Variants in SEMA6D observed in about 807,000 individuals in gnomAD.
SEMA6D encodes the protein semaphorin-6D.
SEMA6D carries 35 observed loss-of-function variants against 106.6 expected under a neutral mutation model. The ratio of observed to expected loss-of-function variants is 0.33; its 90% CI spans 0.25 to 0.44. SEMA6D has a LOEUF of 0.44. Among genes scored for constraint, SEMA6D ranks in the 20% least tolerant of loss-of-function variants. The probability of loss-of-function intolerance (pLI) is 1.00; values close to 1 mark genes in which losing one functional copy is unlikely to be tolerated. For synonymous variants in SEMA6D, 499 were observed against 487.7 expected, an observed-to-expected ratio of 1.02 and a Z score of -0.31; for missense variants, 1,185 against 1,345.9, an observed-to-expected ratio of 0.88 and a Z score of 1.87.
intron 1 of SEMA6D, among the ~76,000 whole-genome samples, chr15:47,338,879 G>A (rs932330979): frequency 2.0e-5 from 3 of 152,118 alleles, no homozygotes; most frequent in South Asian, 2.1e-4. Context: ...CTGATTGTAG[G>A]CTAAAATACC....
intron 3 of SEMA6D, among the ~76,000 whole-genome samples, chr15:47,530,988 T>G (rs1035807068): frequency 2.6e-5 from 4 of 152,238 alleles, no homozygotes; most frequent in African/African-American, 9.6e-5. Context: ...TGTTCATTAT[T>G]ATTGGCATAA....
chr15:47,487,746 C>T (rs2043339479), intron 3 of SEMA6D, among the ~76,000 whole-genome samples: 1 of 152,212 alleles, frequency 6.6e-6, no homozygotes, highest in South Asian at 2.1e-4. Flanking sequence ...CAGTGCTTCA[C>T]TGACCATCCT....
At position 47,230,299 on chromosome 15, in the gene SEMA6D, T is replaced by C. The variant is rs189393864; in HGVS notation, c.-239+45881T>C. Among the ~76,000 whole-genome samples the C allele has an allele frequency of 3.8e-3, 574 of 152,214 alleles. 6 individuals carry two copies. Among genetic ancestry groups the C allele is most frequent in the African/African-American group, 0.013 (547 of 41,574 alleles). On this transcript the variant is annotated intron_variant, in intron 1 of 19. Transcript: ENST00000558014. ...TTTATTTTTCTTATACAGAATATAATCTATGTAAAGTTGTATATCTTGAAT... is the reference window on the plus strand; with the variant it reads ...TTTATTTTTCTTATACAGAATATAACCTATGTAAAGTTGTATATCTTGAAT...
At chr15:47,662,606 G>A (rs886185809) in intron 4 of SEMA6D, among the ~76,000 whole-genome samples, 1 of 151,990 alleles carries the variant, frequency 6.6e-6, no homozygotes. Flanking sequence ...GCCCCATTAG[G>A]CATTCTCCAC....
chr15:47,191,914 A>T (rs890416270), intron 1 of SEMA6D, among the ~76,000 whole-genome samples: 1 of 152,180 alleles, frequency 6.6e-6, no homozygotes, highest in Non-Finnish European at 1.5e-5. Context: ...AAGAAAGTCG[A>T]GCAGGAAGTA....
chr15:47,470,411 A>G (rs2042799275), intron 2 of SEMA6D: 1 of 151,666 alleles, frequency 6.6e-6, no homozygotes, highest in Non-Finnish European at 1.5e-5. Context: ...TAGGTGACAC[A>G]TTTTCACAGC....
chr15:47,226,960 TG>T (rs1166848080), intron 1 of SEMA6D, among the ~76,000 whole-genome samples: 1 of 152,066 alleles, frequency 6.6e-6, no homozygotes, highest in Non-Finnish European at 1.5e-5. Flanking sequence ...ATATTTAACT[TG>T]GTAAACCTAT....
chr15:47,692,633 C>T (rs2078614072), intron 4 of SEMA6D, among the ~76,000 whole-genome samples: 1 of 152,138 alleles, frequency 6.6e-6, no homozygotes, highest in Admixed American at 6.5e-5. Flanking sequence ...CTCATGTAAA[C>T]CTGCTGGAGA....
intron 15 of SEMA6D, 133 bp downstream of exon 15, chr15:47,766,315 A>C: frequency 1.3e-6 from 1 of 775,034 alleles, no homozygotes; most frequent in Non-Finnish European, 2.1e-6. Context: ...GGAAAACGAA[A>C]ACCAGGAGAC....
At chr15:47,344,803 G>C (rs148205119) in intron 1 of SEMA6D, among the ~76,000 whole-genome samples, 2 of 152,306 alleles carry the variant, frequency 1.3e-5, no homozygotes, top group East Asian at 3.9e-4. Flanking sequence ...AAATATCTAT[G>C]TAGAAAATCT....
chr15:47,230,601 C>T (rs1422227494), intron 1 of SEMA6D, among the ~76,000 whole-genome samples: 1 of 152,010 alleles, frequency 6.6e-6, no homozygotes. Context: ...TCACAGGTCA[C>T]CAGGATTTCT....
chr15:47,580,767 A>G (rs1040010669), intron 3 of SEMA6D, among the ~76,000 whole-genome samples: 6 of 152,324 alleles, frequency 3.9e-5, no homozygotes, highest in East Asian at 3.9e-4. Flanking sequence ...GGAGCAAACA[A>G]ATGCTATCAG....
chr15:47,309,283 T>G (rs2036351403), intron 1 of SEMA6D, among the ~76,000 whole-genome samples: 1 of 152,188 alleles, frequency 6.6e-6, no homozygotes, highest in Non-Finnish European at 1.5e-5. Flanking sequence ...AGTAGCGTGA[T>G]GAAATCTCAT....
At chr15:47,511,413 C>T (rs1400686120) in intron 3 of SEMA6D, among the ~76,000 whole-genome samples, 3 of 152,164 alleles carry the variant, frequency 2.0e-5, no homozygotes. Flanking sequence ...AGGGCAGACA[C>T]CTAGAGATGT....
chr15:47,675,387 A>G (rs1238792503), intron 4 of SEMA6D, among the ~76,000 whole-genome samples: 1 of 152,162 alleles, frequency 6.6e-6, no homozygotes, highest in Non-Finnish European at 1.5e-5. Context: ...AGAAGAGGAA[A>G]CTTGGACACA....
chr15:47,620,342 G>A (rs939075450), intron 4 of SEMA6D, among the ~76,000 whole-genome samples: 5 of 152,172 alleles, frequency 3.3e-5, no homozygotes, highest in African/African-American at 7.2e-5. Context: ...ATGTGCCCAG[G>A]CTCCTCACAC....
At chr15:47,600,101 G>A (rs1898111) in intron 3 of SEMA6D, among the ~76,000 whole-genome samples, 106,509 of 151,888 alleles carry the variant, frequency 0.7, 39,754 homozygotes, top group Middle Eastern at 0.83. Context: ...AGCCCAAGTT[G>A]AAACATGTGC....
intron 1 of SEMA6D, among the ~76,000 whole-genome samples, chr15:47,298,153 G>T (rs2035876512): frequency 6.6e-6 from 1 of 152,164 alleles, no homozygotes; most frequent in Non-Finnish European, 1.5e-5. Flanking sequence ...GATGTGGTGA[G>T]AAGAAACTCA....
At chr15:47,637,602 G>C (rs1398832822) in intron 4 of SEMA6D, among the ~76,000 whole-genome samples, 19 of 152,102 alleles carry the variant, frequency 1.2e-4, no homozygotes, top group Admixed American at 1.2e-3. Context: ...TTTCATGCTG[G>C]GAATCACAGA....
Sources: allele counts gnomAD v4.1 joint callset (sites outside exome capture counted in the v4.1 genomes callset), GRCh38; gene constraint gnomAD v4.1.1; transcripts MANE v1.5; gene names NCBI Gene and HGNC (gene_info 2026-07-23, HGNC 2026-07-21).